Variants in NEK7 observed in about 807,000 individuals in gnomAD.
NEK7 encodes NIMA related kinase 7.
In NEK7, 18 loss-of-function variants were observed where a neutral mutation model predicts 44.6. The observed-to-expected ratio is 0.40, with a 90% CI of 0.28 to 0.60. The LOEUF (loss-of-function observed/expected upper bound fraction) is 0.60. NEK7 is among the 20% of genes least tolerant of loss of function. The pLI is 0.38. For synonymous variants in NEK7, 130 were observed against 121.1 expected, an observed-to-expected ratio of 1.07 and a Z score of -0.48; for missense variants, 256 against 366.5, an observed-to-expected ratio of 0.70 and a Z score of 2.46.
chr1:198,275,212 A>C (rs2102975249), intron 5 of NEK7, among the ~76,000 whole-genome samples: 1 of 151,432 alleles, frequency 6.6e-6, no homozygotes, highest in Admixed American at 6.6e-5. Context: ...TTAAAAAAAA[A>C]AAAGACTAAA....
At chr1:198,213,803 G>A (rs1665845260) in intron 1 of NEK7, among the ~76,000 whole-genome samples, 1 of 152,122 alleles carries the variant, frequency 6.6e-6, no homozygotes, top group Admixed American at 6.6e-5. Flanking sequence ...TGGGACCTCT[G>A]CCCACCATTG....
intron 1 of NEK7, among the ~76,000 whole-genome samples, chr1:198,231,224 CAAAT>C (rs1388082329): frequency 4.8e-5 from 7 of 146,560 alleles, no homozygotes; most frequent in South Asian, 2.1e-4. Flanking sequence ...GTTGTTAGTG[CAAAT>C]AAATAGCCAG....
At chr1:198,272,604 A>G (rs192551866) in intron 5 of NEK7, among the ~76,000 whole-genome samples, 35 of 151,740 alleles carry the variant, frequency 2.3e-4, no homozygotes, top group Admixed American at 1.7e-3. Context: ...CTCCTCGAAG[A>G]CTGACTGACT....
rs555925236 is a variant in NEK7, at chr1:198,195,749, C to T, written c.-28-36804C>T. 3.9e-5 allele frequency among the ~76,000 whole-genome samples: 6 copies of T among 152,182 alleles called. No homozygotes were observed. The South Asian group carries it at 1.0e-3, about 26-fold the overall frequency. On this transcript the variant is annotated intron_variant, in intron 1 of 9. Transcript: ENST00000367385. ...CTGAGGCAGGAGAATAGCTTGAACC[C>T]GGGAGGCGGAAGTTGCAGTGAGCTG... is the stretch of plus-strand genomic sequence containing the variant.
Position 198,215,369 on chromosome 1 carries a change from C to T in NEK7, c.-28-17184C>T, listed in dbSNP as rs748385993. Among the ~76,000 whole-genome samples the T allele has an allele frequency of 2.0e-5, 3 of 152,214 alleles. No homozygotes were observed. The South Asian group carries it at 6.2e-4, about 31-fold the overall frequency. ...AATGGTTTAAATGCTCCACATAAAA[C>T]AAGCTTGTCCAATCCACATCCCATG... On this transcript the variant is annotated intron_variant, in intron 1 of 9. Transcript: ENST00000367385.
At chr1:198,208,857 C>T (rs1665676348) in intron 1 of NEK7, among the ~76,000 whole-genome samples, 1 of 151,998 alleles carries the variant, frequency 6.6e-6, no homozygotes, top group Non-Finnish European at 1.5e-5. Flanking sequence ...GTAAGAAACG[C>T]CATATAGCCT....
At chr1:198,237,772 A>G (rs991599609) in intron 2 of NEK7, among the ~76,000 whole-genome samples, 2 of 151,970 alleles carry the variant, frequency 1.3e-5, no homozygotes, top group Admixed American at 6.6e-5. Flanking sequence ...GTAGTTTCCC[A>G]TTGGCTTGCT....
intron 9 of NEK7, among the ~76,000 whole-genome samples, chr1:198,310,028 C>T (rs1655128725): frequency 6.6e-6 from 1 of 151,542 alleles, no homozygotes; most frequent in Non-Finnish European, 1.5e-5. Context: ...CACTGACTTC[C>T]ACAATGGTTG....
chr1:198,286,825 A>G (rs1420400947), intron 7 of NEK7, among the ~76,000 whole-genome samples: 1 of 152,108 alleles, frequency 6.6e-6, no homozygotes, highest in Non-Finnish European at 1.5e-5. Context: ...GGCCATTCCC[A>G]GCTTCTAGAG....
At chr1:198,234,041 T>C (rs1420684644) in intron 2 of NEK7, among the ~76,000 whole-genome samples, 1 of 152,144 alleles carries the variant, frequency 6.6e-6, no homozygotes, top group Non-Finnish European at 1.5e-5. Flanking sequence ...GTGTCATTTT[T>C]ATCTCTCTTA....
intron 5 of NEK7, among the ~76,000 whole-genome samples, chr1:198,270,750 A>G (rs1027040778): frequency 2.0e-5 from 3 of 152,080 alleles, no homozygotes; most frequent in Middle Eastern, 3.2e-3. Flanking sequence ...TGTGTTTACA[A>G]CTGTATTTTG....
intron 2 of NEK7, among the ~76,000 whole-genome samples, chr1:198,252,567 T>TATATATATAA (rs1307124157): frequency 3.9e-5 from 2 of 50,980 alleles, no homozygotes; most frequent in Non-Finnish European, 6.1e-5. Flanking sequence ...TATATATATA[T>TATATATATAA]AAAAAGTACA....
chr1:198,270,860 G>A (rs768662806), intron 5 of NEK7, among the ~76,000 whole-genome samples: 6 of 152,032 alleles, frequency 3.9e-5, no homozygotes, highest in Non-Finnish European at 7.4e-5. Flanking sequence ...GGATTAGTGG[G>A]TTCTCTGCTG....
intron 1 of NEK7, among the ~76,000 whole-genome samples, chr1:198,187,840 A>G (rs1664964947): frequency 6.6e-6 from 1 of 152,156 alleles, no homozygotes; most frequent in African/African-American, 2.4e-5. Context: ...AAGGATAGCA[A>G]ATTAGGGTAC....
intron 6 of NEK7, 42 bp downstream of exon 6, chr1:198,278,111 G>A (rs1654073657): frequency 9.4e-7 from 1 of 1,064,326 alleles, no homozygotes. Context: ...TGTTTTAAAT[G>A]ATGTAAGTTC....
chr1:198,255,341 G>T (rs762423959), intron 3 of NEK7, among the ~76,000 whole-genome samples: 10 of 152,166 alleles, frequency 6.6e-5, no homozygotes, highest in Non-Finnish European at 1.0e-4. Context: ...AGATTGTCAA[G>T]ATGGGAGGTT....
intron 1 of NEK7, among the ~76,000 whole-genome samples, chr1:198,160,895 AT>A (rs1664084606): frequency 6.6e-6 from 1 of 152,068 alleles, no homozygotes; most frequent in African/African-American, 2.4e-5. Flanking sequence ...TTTTCACAAA[AT>A]TTTTTTTATT....
chr1:198,194,932 A>T (rs371437569), intron 1 of NEK7, among the ~76,000 whole-genome samples: 1 of 152,208 alleles, frequency 6.6e-6, no homozygotes, highest in African/African-American at 2.4e-5. Context: ...ACTTCCACCG[A>T]CAGTGTATAA....
rs531327039 is a variant in NEK7, at chr1:198,210,956, T to G, written c.-28-21597T>G. On this transcript the variant is annotated intron_variant, in intron 1 of 9. Transcript: ENST00000367385. ...TTTAGTAGAGACGGGGTTTCACCGT[T>G]TTAGCCGGGATGGTCTCGATCTCCT... Among the ~76,000 whole-genome samples, 252 of 151,616 alleles carry G rather than the reference T, an allele frequency of 1.7e-3. 1 individual carries two copies. The highest frequency in any genetic ancestry group is 5.7e-3 in the African/African-American group (235 of 41,400).
Sources: gnomAD v4.1 joint callset for allele counts (sites outside exome capture counted in the v4.1 genomes callset) on GRCh38, gnomAD v4.1.1 for gene constraint, MANE v1.5 for transcripts, NCBI Gene and HGNC (gene_info 2026-07-23, HGNC 2026-07-21) for gene names.